Variants in KAZN observed in about 807,000 individuals in gnomAD.
KAZN encodes kazrin.
Under a neutral mutation model 87.4 loss-of-function variants are expected in KAZN, and 40 were observed. The observed-to-expected ratio is 0.46, with a 90% CI of 0.36 to 0.60. The LOEUF is 0.60. Among genes scored for constraint, KAZN ranks in the 20% least tolerant of loss-of-function variants. The pLI is 0.00. For missense variants in KAZN, 898 were observed against 1,073.9 expected (o/e 0.84, Z 2.29); for synonymous variants, 466 against 458.3 (o/e 1.02, Z -0.22).
intron 2 of KAZN, among the ~76,000 whole-genome samples, chr1:14,304,158 T>C (rs138432584): frequency 1.1e-4 from 17 of 152,282 alleles, no homozygotes; most frequent in African/African-American, 3.9e-4. Flanking sequence ...TGGTAGAAAA[T>C]GGGCCCAGAA....
intron 1 of KAZN, among the ~76,000 whole-genome samples, chr1:14,942,236 C>G (rs998896403): frequency 6.6e-6 from 1 of 152,164 alleles, no homozygotes; most frequent in East Asian, 1.9e-4. Flanking sequence ...ATATTTGTCC[C>G]CTGTCCTCCT....
chr1:14,014,140 T>TC (rs762804171), intron 1 of KAZN, among the ~76,000 whole-genome samples: 8 of 152,132 alleles, frequency 5.3e-5, no homozygotes, highest in Non-Finnish European at 7.4e-5. Context: ...TGATTTTTTT[T>TC]CGCTATACCA....
At chr1:15,093,007 C>T (rs774807826) in intron 8 of KAZN, among the ~76,000 whole-genome samples, 1 of 151,460 alleles carries the variant, frequency 6.6e-6, no homozygotes, top group African/African-American at 2.4e-5. Context: ...ATTTATCCTA[C>T]GAAAATAAAT....
chr1:14,494,538 T>A (rs949465345), intron 2 of KAZN, among the ~76,000 whole-genome samples: 2 of 152,168 alleles, frequency 1.3e-5, no homozygotes, highest in Non-Finnish European at 2.9e-5. Context: ...CAATCCCCCT[T>A]CAGGTCAATA....
chr1:14,074,586 G>T (rs72861271), intron 1 of KAZN, among the ~76,000 whole-genome samples: 2,310 of 152,196 alleles, frequency 0.015, 39 homozygotes, highest in African/African-American at 0.043. Flanking sequence ...GGTGCAGGGA[G>T]AGTTGGGGGG....
chr1:14,012,102 G>A (rs1019356608), intron 1 of KAZN, among the ~76,000 whole-genome samples: 1 of 152,184 alleles, frequency 6.6e-6, no homozygotes, highest in Non-Finnish European at 1.5e-5. Flanking sequence ...ATGTAAGTGA[G>A]AGACCTGACT....
chr1:14,308,302 A>C (rs1340287845), intron 2 of KAZN, among the ~76,000 whole-genome samples: 1 of 152,176 alleles, frequency 6.6e-6, no homozygotes, highest in Non-Finnish European at 1.5e-5. Flanking sequence ...CTGATTTTTG[A>C]TAACTATTGA....
chr1:15,004,237 C>T (rs1668782725), intron 2 of KAZN, among the ~76,000 whole-genome samples: 1 of 152,170 alleles, frequency 6.6e-6, no homozygotes, highest in South Asian at 2.1e-4. Context: ...AACCATTGCA[C>T]TCCCCTGTCA....
intron 1 of KAZN, among the ~76,000 whole-genome samples, chr1:14,168,049 G>A (rs965314711): frequency 9.2e-5 from 14 of 152,200 alleles, no homozygotes; most frequent in Non-Finnish European, 2.1e-4. Flanking sequence ...TTCTGTCACT[G>A]TAAGGTTGAC....
intron 1 of KAZN, among the ~76,000 whole-genome samples, chr1:14,766,199 T>A (rs1557467518): frequency 6.6e-6 from 1 of 152,154 alleles, no homozygotes; most frequent in East Asian, 1.9e-4. Flanking sequence ...CACGGGTATG[T>A]CTGGAGGTTT....
chr1:14,889,175 A>G (rs542410723), intron 1 of KAZN, among the ~76,000 whole-genome samples: 1 of 152,304 alleles, frequency 6.6e-6, no homozygotes, highest in East Asian at 1.9e-4. Context: ...TTCTGTTCTC[A>G]TTTCATTGAC....
At chr1:14,714,441 G>C (rs1165803241) in intron 1 of KAZN, among the ~76,000 whole-genome samples, 1 of 152,202 alleles carries the variant, frequency 6.6e-6, no homozygotes, top group African/African-American at 2.4e-5. Context: ...CAGTATGTTT[G>C]CATGGCCTCC....
At chr1:14,540,408 G>A (rs1379777090) in intron 2 of KAZN, among the ~76,000 whole-genome samples, 1 of 152,170 alleles carries the variant, frequency 6.6e-6, no homozygotes, top group African/African-American at 2.4e-5. Context: ...GGTTAAGCAG[G>A]CTGCCTCCCT....
chr1:14,134,664 C>T (rs1035607215), intron 1 of KAZN, among the ~76,000 whole-genome samples: 2 of 152,094 alleles, frequency 1.3e-5, no homozygotes, highest in African/African-American at 4.8e-5. Context: ...AATTTGTTTT[C>T]AAAACAAAAG....
intron 2 of KAZN, among the ~76,000 whole-genome samples, chr1:14,181,235 C>G (rs1300014623): frequency 6.6e-6 from 1 of 152,172 alleles, no homozygotes; most frequent in Non-Finnish European, 1.5e-5. Flanking sequence ...GTTAGGGAAG[C>G]CAAACTGAGC....
At chr1:14,076,106 C>T (rs933627275) in intron 1 of KAZN, among the ~76,000 whole-genome samples, 2 of 151,972 alleles carry the variant, frequency 1.3e-5, no homozygotes, top group Non-Finnish European at 2.9e-5. Context: ...ATGGTGAAAC[C>T]CTGTCTCTAC....
intron 2 of KAZN, among the ~76,000 whole-genome samples, chr1:14,322,636 A>C (rs758976006): frequency 3.3e-4 from 50 of 152,204 alleles, no homozygotes; most frequent in Admixed American, 4.6e-4. Flanking sequence ...ATGGTGGCCA[A>C]ATCTAGTGAC....
At chr1:14,408,233 G>T (rs1404817514) in intron 2 of KAZN, among the ~76,000 whole-genome samples, 2 of 152,248 alleles carry the variant, frequency 1.3e-5, no homozygotes, top group Non-Finnish European at 2.9e-5. Context: ...AAGGAGGAAA[G>T]AATTTAGGCC....
intron 1 of KAZN, among the ~76,000 whole-genome samples, chr1:13,900,229 T>G (rs756230855): frequency 6.6e-6 from 1 of 152,182 alleles, no homozygotes; most frequent in Non-Finnish European, 1.5e-5. Flanking sequence ...CTGATCAGAC[T>G]GAGTACTCTG....
Sources: gnomAD v4.1 joint callset for allele counts (sites outside exome capture counted in the v4.1 genomes callset) on GRCh38, gnomAD v4.1.1 for gene constraint, MANE v1.5 for transcripts, NCBI Gene and HGNC (gene_info 2026-07-23, HGNC 2026-07-21) for gene names.